Variants in FHIT observed in about 807,000 individuals in gnomAD.
FHIT encodes the protein bis(5'-adenosyl)-triphosphatase.
A neutral mutation model predicts 17.9 loss-of-function variants in FHIT; 19 were observed. The ratio of observed to expected loss-of-function variants is 1.06; its 90% CI spans 0.74 to 1.56. The LOEUF (loss-of-function observed/expected upper bound fraction) is 1.56. Among genes scored for constraint, FHIT ranks in the 40% most tolerant of loss-of-function variants. The pLI, the probability that FHIT is intolerant of heterozygous loss-of-function variation, is 0.00. For missense variants in FHIT, 248 were observed against 189.2 expected (o/e 1.31, Z -1.82); for synonymous variants, 81 against 69.7 (o/e 1.16, Z -0.81).
At chr3:60,663,306 C>G (rs1352210389) in intron 4 of FHIT, among the ~76,000 whole-genome samples, 2 of 151,264 alleles carry the variant, frequency 1.3e-5, no homozygotes, top group East Asian at 1.9e-4. Flanking sequence ...TCTCAAAGAT[C>G]AATTTGGGCA....
chr3:60,209,460 CTCTCACCA>C (rs1208987522), intron 5 of FHIT, among the ~76,000 whole-genome samples: 1 of 152,156 alleles, frequency 6.6e-6, no homozygotes, highest in East Asian at 1.9e-4. Flanking sequence ...CAATCTCTTC[CTCTCACCA>C]TCTCACCATC....
chr3:60,969,651 A>C (rs1709911003), intron 3 of FHIT, among the ~76,000 whole-genome samples: 1 of 152,170 alleles, frequency 6.6e-6, no homozygotes, highest in South Asian at 2.1e-4. Flanking sequence ...TTATCATTTT[A>C]TTACTGATTT....
At chr3:60,276,022 C>CG (rs1170762488) in intron 5 of FHIT, among the ~76,000 whole-genome samples, 2 of 150,308 alleles carry the variant, frequency 1.3e-5, no homozygotes, top group African/African-American at 2.5e-5. Flanking sequence ...GAGTCTCGCT[C>CG]AGTCGCCCAG....
At chr3:61,000,336 C>A (rs1453280868) in intron 3 of FHIT, among the ~76,000 whole-genome samples, 1 of 152,186 alleles carries the variant, frequency 6.6e-6, no homozygotes, top group Non-Finnish European at 1.5e-5. Flanking sequence ...TAAGCTCTGG[C>A]TGTAAGGACA....
At chr3:60,252,890 C>G (rs531773470) in intron 5 of FHIT, among the ~76,000 whole-genome samples, 1 of 151,478 alleles carries the variant, frequency 6.6e-6, no homozygotes, top group African/African-American at 2.4e-5. Flanking sequence ...TCCAGCTACT[C>G]GGGAGGCTGA....
intron 5 of FHIT, among the ~76,000 whole-genome samples, chr3:60,367,920 T>C (rs988609619): frequency 7.2e-5 from 11 of 152,190 alleles, no homozygotes; most frequent in African/African-American, 1.7e-4. Context: ...CACTTTGGTG[T>C]TGAACTTCTT....
intron 5 of FHIT, among the ~76,000 whole-genome samples, chr3:60,406,342 T>A (rs892161695): frequency 3.9e-5 from 6 of 152,208 alleles, no homozygotes; most frequent in African/African-American, 1.2e-4. Context: ...CCAGGCAATC[T>A]TACATGCAAA....
chr3:60,010,868 G>A (rs1035315826), intron 7 of FHIT, among the ~76,000 whole-genome samples: 1 of 152,160 alleles, frequency 6.6e-6, no homozygotes, highest in Admixed American at 6.5e-5. Flanking sequence ...GAGTAGGTGT[G>A]GGGGTGACGA....
chr3:60,760,185 C>T (rs768308894), intron 4 of FHIT, among the ~76,000 whole-genome samples: 117 of 152,074 alleles, frequency 7.7e-4, no homozygotes, highest in Non-Finnish European at 8.8e-4. Context: ...GGAGAGGAAC[C>T]CAAATGATGC....
At chr3:60,179,131 T>C (rs1404718303) in intron 5 of FHIT, among the ~76,000 whole-genome samples, 1 of 152,106 alleles carries the variant, frequency 6.6e-6, no homozygotes, top group Non-Finnish European at 1.5e-5. Context: ...ATGGTATTTA[T>C]TGCTACCTAC....
intron 5 of FHIT, among the ~76,000 whole-genome samples, chr3:60,525,689 T>A (rs1052761844): frequency 4.6e-5 from 7 of 152,198 alleles, no homozygotes; most frequent in Admixed American, 3.3e-4. Context: ...TTATATCCTA[T>A]CAAGCACAGA....
intron 4 of FHIT, among the ~76,000 whole-genome samples, chr3:60,759,748 A>C (rs1699572635): frequency 6.6e-6 from 1 of 152,224 alleles, no homozygotes; most frequent in South Asian, 2.1e-4. Context: ...TGGATTTGGC[A>C]ACCAAGGGGC....
intron 8 of FHIT, among the ~76,000 whole-genome samples, chr3:59,762,355 G>C (rs989924695): frequency 1.3e-5 from 2 of 152,178 alleles, no homozygotes; most frequent in Non-Finnish European, 2.9e-5. Context: ...ATAAGCATTG[G>C]TCAAATACGT....
At chr3:59,813,806 C>T (rs2107058656) in intron 8 of FHIT, among the ~76,000 whole-genome samples, 2 of 152,164 alleles carry the variant, frequency 1.3e-5, no homozygotes, top group Middle Eastern at 6.8e-3. Flanking sequence ...ACACGTGACT[C>T]AATAAACAGC....
intron 4 of FHIT, among the ~76,000 whole-genome samples, chr3:60,764,944 G>A (rs939262241): frequency 2.0e-5 from 3 of 152,080 alleles, no homozygotes; most frequent in African/African-American, 7.2e-5. Flanking sequence ...AGAAACATTT[G>A]CCTTTCCTAA....
intron 5 of FHIT, among the ~76,000 whole-genome samples, chr3:60,521,765 T>G (rs1048037191): frequency 1.3e-5 from 2 of 152,200 alleles, no homozygotes; most frequent in Non-Finnish European, 2.9e-5. Context: ...ATTTCTCCAA[T>G]TCCCTGTCCA....
At chr3:61,145,636 G>T (rs1440169945) in intron 2 of FHIT, among the ~76,000 whole-genome samples, 1 of 151,954 alleles carries the variant, frequency 6.6e-6, no homozygotes, top group Non-Finnish European at 1.5e-5. Flanking sequence ...TCTTAAAAAT[G>T]TTAAGTTTTC....
intron 3 of FHIT, among the ~76,000 whole-genome samples, chr3:61,013,224 T>A (rs1162049753): frequency 6.6e-6 from 1 of 152,152 alleles, no homozygotes; most frequent in African/African-American, 2.4e-5. Context: ...TGTTATTATT[T>A]CTGGAATTAG....
At chr3:60,096,713 G>A (rs959955187) in intron 5 of FHIT, among the ~76,000 whole-genome samples, 1 of 152,134 alleles carries the variant, frequency 6.6e-6, no homozygotes, top group Non-Finnish European at 1.5e-5. Flanking sequence ...CTTCTCCCCA[G>A]TTCAAGCTGA....
Sources: allele counts gnomAD v4.1 joint callset (sites outside exome capture counted in the v4.1 genomes callset), GRCh38; gene constraint gnomAD v4.1.1; transcripts MANE v1.5; gene names NCBI Gene and HGNC (gene_info 2026-07-23, HGNC 2026-07-21).